HERC4: variants seen among roughly 807,000 people sequenced by gnomAD.
HERC4 encodes the protein probable E3 ubiquitin-protein ligase HERC4.
A neutral mutation model predicts 124.3 loss-of-function variants in HERC4; 28 were observed. The observed-to-expected ratio is 0.23, with a 90% CI of 0.17 to 0.31. HERC4 has a LOEUF of 0.31. Ranked by LOEUF, HERC4 falls within the 10% of genes least tolerant of loss-of-function variation. HERC4 has a pLI of 1.00. For synonymous variants in HERC4, 407 were observed against 421.5 expected, an observed-to-expected ratio of 0.97 and a Z score of 0.42; for missense variants, 713 against 1,229.3, an observed-to-expected ratio of 0.58 and a Z score of 6.28.
intron 15 of HERC4, among the ~76,000 whole-genome samples, chr10:67,976,924 T>C (rs866370629): frequency 2.0e-5 from 3 of 152,268 alleles, no homozygotes; most frequent in African/African-American, 7.2e-5. Flanking sequence ...AGCCTCACCA[T>C]GGTGGGCTAA....
At chr10:67,973,181 G>C (rs892161756) in intron 15 of HERC4, among the ~76,000 whole-genome samples, 3 of 151,548 alleles carry the variant, frequency 2.0e-5, no homozygotes, top group Admixed American at 6.6e-5. Context: ...AAATCAAAAA[G>C]GAAAGTGAAT....
chr10:68,055,511 C>T (rs1272275441), intron 3 of HERC4, among the ~76,000 whole-genome samples: 1 of 152,058 alleles, frequency 6.6e-6, no homozygotes, highest in African/African-American at 2.4e-5. Flanking sequence ...ATACAATTAA[C>T]GTATATAAAG....
At chr10:67,923,211 A>G (rs1303810309) in intron 24 of HERC4, 72 bp from the exon 25 acceptor site, 11 of 1,120,702 alleles carry the variant, frequency 9.8e-6, no homozygotes, top group Non-Finnish European at 1.3e-5. Context: ...TATTTGGTAC[A>G]GTCGCTACAG....
At chr10:68,011,219 T>TAAA (rs2037934875) in intron 9 of HERC4, among the ~76,000 whole-genome samples, 1 of 152,196 alleles carries the variant, frequency 6.6e-6, no homozygotes, top group South Asian at 2.1e-4. Flanking sequence ...CCTGGCTTTT[T>TAAA]AAAATTATTT....
chr10:67,990,134 CA>C, intron 14 of HERC4, 76 bp downstream of exon 14: 1 of 1,245,062 alleles, frequency 8.0e-7, no homozygotes, highest in Non-Finnish European at 1.1e-6. Flanking sequence ...AGCAGAACTG[CA>C]AATGGCAAAA....
At chr10:67,973,514 G>A (rs575017347) in intron 15 of HERC4, among the ~76,000 whole-genome samples, 23 of 152,280 alleles carry the variant, frequency 1.5e-4, no homozygotes, top group African/African-American at 5.5e-4. Flanking sequence ...GTTGATACAT[G>A]GGGAAATAAG....
chr10:68,023,189 G>A (rs887672780), intron 8 of HERC4, among the ~76,000 whole-genome samples: 2 of 152,064 alleles, frequency 1.3e-5, no homozygotes, highest in Admixed American at 1.3e-4. Context: ...CCACTTCTGG[G>A]TATATGCCCA....
chr10:68,069,886 T>G (rs10997925), intron 3 of HERC4: 2 of 434,322 alleles, frequency 4.6e-6, no homozygotes, highest in Non-Finnish European at 6.1e-6. Flanking sequence ...ACTAAAAATA[T>G]AAAAAATTAC....
At chr10:68,072,063 G>C (rs2041601690) in intron 3 of HERC4, among the ~76,000 whole-genome samples, 1 of 152,112 alleles carries the variant, frequency 6.6e-6, no homozygotes, top group South Asian at 2.1e-4. Flanking sequence ...TGCCATTATT[G>C]TTACAGTTAA....
At chr10:68,059,485 ATAT>A (rs1415881438) in intron 3 of HERC4, among the ~76,000 whole-genome samples, 40 of 104,896 alleles carry the variant, frequency 3.8e-4, no homozygotes, top group Admixed American at 2.4e-3. Flanking sequence ...ATAATATTAT[ATAT>A]TATAACATTA....
intron 19 of HERC4, among the ~76,000 whole-genome samples, chr10:67,943,500 A>G (rs2033085515): frequency 6.6e-6 from 1 of 152,234 alleles, no homozygotes; most frequent in Admixed American, 6.5e-5. Flanking sequence ...CAATACCCGC[A>G]ATATCAGAGG....
chr10:68,070,717 C>T (rs540905978), intron 3 of HERC4: 220 of 152,202 alleles, frequency 1.4e-3, no homozygotes, highest in African/African-American at 5.1e-3. Context: ...ACTTGTTTCT[C>T]TTCCCTCTGA....
chr10:67,939,731 T>C, intron 20 of HERC4, 77 bp from the exon 21 acceptor site: 2 of 650,660 alleles, frequency 3.1e-6, no homozygotes, highest in Non-Finnish European at 5.1e-6. Context: ...GATATATATA[T>C]ATATATATAC....
Position 68,072,977 on chromosome 10 carries a change from T to C in HERC4, c.132A>G (p.Arg44=), listed in dbSNP as rs368988306. 110 of 1,613,964 alleles carry C rather than the reference T, an allele frequency of 6.8e-5. No individual in the cohort carries two copies. The highest frequency in any genetic ancestry group is 9.1e-5 in the Non-Finnish European group (107 of 1,179,944). ...CATCATCCAGAACAAACACAGTATG[T>C]CTGAGTCCACATCCTACATCTCGGA... is the stretch of plus-strand genomic sequence containing the variant. The part of the protein sequence containing the change: ...KRVRDVGCGL[R]HTVFVLDDGT... The change falls in exon 3 of 25, where the codon AGA becomes AGG. Residue 44 remains arginine (R), a synonymous_variant. Transcript: ENST00000373700.
At chr10:67,989,344 T>C (rs904469896) in intron 14 of HERC4, among the ~76,000 whole-genome samples, 3 of 152,038 alleles carry the variant, frequency 2.0e-5, no homozygotes, top group East Asian at 3.8e-4. Context: ...GTGTAACATA[T>C]GGGTCCTTCC....
chr10:68,027,974 TTTA>T (rs1168884975), intron 7 of HERC4, among the ~76,000 whole-genome samples: 1 of 144,046 alleles, frequency 6.9e-6, no homozygotes, highest in Non-Finnish European at 1.5e-5. Flanking sequence ...TATATATATA[TTTA>T]TTATATTTTT....
chr10:68,049,480 G>A (rs140329947), intron 3 of HERC4, among the ~76,000 whole-genome samples: 55 of 146,674 alleles, frequency 3.7e-4, no homozygotes, highest in African/African-American at 1.1e-3. Flanking sequence ...TAGGTGGTGG[G>A]TGTCTGTAAT....
intron 23 of HERC4, among the ~76,000 whole-genome samples, chr10:67,926,489 C>T (rs2030986346): frequency 1.3e-5 from 2 of 151,982 alleles, no homozygotes; most frequent in Admixed American, 1.3e-4. Flanking sequence ...ATAGTTTATA[C>T]TGTGAACTGT....
chr10:67,932,546 C>T, intron 23 of HERC4, 51 bp downstream of exon 23: 3 of 1,475,382 alleles, frequency 2.0e-6, no homozygotes, highest in Non-Finnish European at 2.8e-6. Context: ...GGCAAGATTT[C>T]CATATATAAA....
Sources: gnomAD v4.1 joint callset for allele counts (sites outside exome capture counted in the v4.1 genomes callset) on GRCh38, gnomAD v4.1.1 for gene constraint, MANE v1.5 for transcripts, NCBI Gene and HGNC (gene_info 2026-07-23, HGNC 2026-07-21) for gene names.